The following DACH1 variants were observed in gnomAD, a reference collection of about 807,000 sequenced individuals.
DACH1 encodes dachshund homolog 1.
A neutral mutation model predicts 54.2 loss-of-function variants in DACH1; 12 were observed. The ratio of observed to expected loss-of-function variants is 0.22; its 90% confidence interval spans 0.14 to 0.36. The LOEUF is 0.36. DACH1 is among the 10% of genes least tolerant of loss of function. The pLI is 1.00. For missense variants in DACH1, 805 were observed against 929.8 expected, an observed-to-expected ratio of 0.87 and a Z score of 1.75; for synonymous variants, 386 against 366.2, an observed-to-expected ratio of 1.05 and a Z score of -0.62.
intron 3 of DACH1, among the ~76,000 whole-genome samples, chr13:71,621,865 T>C (rs1876265427): frequency 6.6e-6 from 1 of 152,032 alleles, no homozygotes; most frequent in South Asian, 2.1e-4. Flanking sequence ...GCACATACTG[T>C]TTTAATAACA....
chr13:71,801,964 C>T (rs1357992286), intron 1 of DACH1, among the ~76,000 whole-genome samples: 1 of 151,980 alleles, frequency 6.6e-6, no homozygotes. Context: ...TCAATTTGAG[C>T]GCACCCTGTC....
In DACH1 at chr13:71,440,328, T is replaced by C. The variant is rs1031853213; in HGVS notation, c.*327A>G. ...CAGAAGAGGAAAATGGTTCATTCCA[T>C]TAGAAAAAAACAAAGCTAGGTCTTA... On this transcript the variant is annotated 3_prime_UTR_variant, in exon 11 of 11. Transcript: ENST00000613252. 2 of 214,010 alleles carry C rather than the reference T, an allele frequency of 9.3e-6. No homozygotes were observed. The highest frequency in any genetic ancestry group is 4.7e-5 in the African/African-American group (2 of 42,528). The allele number at this position is 214,010 out of a possible 1,614,324, so 13.3% of individuals were successfully genotyped here.
At chr13:71,836,167 C>T (rs1044074924) in intron 1 of DACH1, among the ~76,000 whole-genome samples, 6 of 151,828 alleles carry the variant, frequency 4.0e-5, no homozygotes, top group Non-Finnish European at 7.4e-5. Context: ...CTTTCACCAT[C>T]TTGAGAAAAA....
intron 2 of DACH1, among the ~76,000 whole-genome samples, chr13:71,632,739 A>G (rs544576490): frequency 3.9e-4 from 59 of 152,210 alleles, no homozygotes; most frequent in Non-Finnish European, 6.8e-4. Context: ...AGACCTTCAG[A>G]TTGGGTCTTT....
At chr13:71,814,745 G>A (rs1223636668) in intron 1 of DACH1, among the ~76,000 whole-genome samples, 2 of 152,136 alleles carry the variant, frequency 1.3e-5, no homozygotes, top group African/African-American at 2.4e-5. Context: ...TGTTATTTGT[G>A]ACAATTATGC....
chr13:71,508,405 C>T (rs143443057), intron 6 of DACH1, among the ~76,000 whole-genome samples: 4 of 151,878 alleles, frequency 2.6e-5, no homozygotes, highest in African/African-American at 7.2e-5. Context: ...ATAACTTGTA[C>T]TTGTTAGTAT....
At chr13:71,550,347 G>T (rs1374316423) in intron 6 of DACH1, among the ~76,000 whole-genome samples, 1 of 152,176 alleles carries the variant, frequency 6.6e-6, no homozygotes, top group Non-Finnish European at 1.5e-5. Context: ...TACAAAGAAG[G>T]TGAGAAGACA....
chr13:71,741,046 T>A (rs1166735379), intron 1 of DACH1, among the ~76,000 whole-genome samples: 1 of 152,130 alleles, frequency 6.6e-6, no homozygotes, highest in African/African-American at 2.4e-5. Context: ...AAACAGTAAA[T>A]TATTAGTTTT....
chr13:71,822,786 A>G (rs1318198851), intron 1 of DACH1, among the ~76,000 whole-genome samples: 1 of 152,200 alleles, frequency 6.6e-6, no homozygotes, highest in African/African-American at 2.4e-5. Context: ...CTTATATGAT[A>G]CCAAAGGAAA....
intron 1 of DACH1, among the ~76,000 whole-genome samples, chr13:71,774,373 A>G (rs1885979973): frequency 6.6e-6 from 1 of 152,110 alleles, no homozygotes; most frequent in African/African-American, 2.4e-5. Flanking sequence ...ATGCAAATAG[A>G]CTGGACAACA....
intron 3 of DACH1, among the ~76,000 whole-genome samples, chr13:71,587,317 A>G (rs531382288): frequency 2.6e-5 from 4 of 152,088 alleles, no homozygotes; most frequent in Non-Finnish European, 5.9e-5. Flanking sequence ...TCTCAGTGGG[A>G]TCTTAAATTG....
intron 1 of DACH1, among the ~76,000 whole-genome samples, chr13:71,792,049 G>A (rs910920961): frequency 7.9e-5 from 12 of 152,086 alleles, no homozygotes; most frequent in South Asian, 4.2e-4. Flanking sequence ...CTCTTGTGTC[G>A]CTTCCTTTTA....
At chr13:71,858,182 A>G (rs965335700) in intron 1 of DACH1, among the ~76,000 whole-genome samples, 1 of 151,718 alleles carries the variant, frequency 6.6e-6, no homozygotes, top group Admixed American at 6.6e-5. Context: ...CTCCCTTTCA[A>G]GTAGTACACT....
At chr13:71,816,726 C>T (rs1212330814) in intron 1 of DACH1, among the ~76,000 whole-genome samples, 1 of 150,892 alleles carries the variant, frequency 6.6e-6, no homozygotes, top group Non-Finnish European at 1.5e-5. Flanking sequence ...GAATACTATG[C>T]AGCCATAAAA....
At chr13:71,744,179 G>T (rs1037210417) in intron 1 of DACH1, among the ~76,000 whole-genome samples, 2 of 152,152 alleles carry the variant, frequency 1.3e-5, no homozygotes, top group African/African-American at 4.8e-5. Flanking sequence ...ACCATTTGAT[G>T]ATTTGGAAAT....
rs893400174 is a variant in DACH1 at position 71,792,370 on chromosome 13, A to ACACC, written c.848+73551_848+73552insGGTG. ...CACACACACACACACACACACACAC[A>ACACC]CCCCTGGAATCCAGACAGCAGGAAA... On this transcript the variant is annotated intron_variant, in intron 1 of 10. Transcript: ENST00000613252. Among the ~76,000 whole-genome samples, 7 of 149,864 alleles carry ACACC rather than the reference A, an allele frequency of 4.7e-5. No individual in the cohort carries two copies. The South Asian group carries it at 8.6e-4, about 18-fold the overall frequency.
intron 6 of DACH1, among the ~76,000 whole-genome samples, chr13:71,512,016 A>T (rs528776194): frequency 1.3e-5 from 2 of 152,082 alleles, no homozygotes; most frequent in African/African-American, 4.8e-5. Flanking sequence ...CTATACCAGA[A>T]AGTGTGTCTT....
intron 7 of DACH1, among the ~76,000 whole-genome samples, chr13:71,485,752 T>A (rs561876218): frequency 6.6e-6 from 1 of 151,418 alleles, no homozygotes; most frequent in African/African-American, 2.4e-5. Flanking sequence ...CCAGCTAATT[T>A]TTACATTTTT....
chr13:71,504,986 T>G (rs1334693858), intron 6 of DACH1, among the ~76,000 whole-genome samples: 1 of 152,204 alleles, frequency 6.6e-6, no homozygotes, highest in African/African-American at 2.4e-5. Context: ...AATTAATCTC[T>G]TCGACTATTT....
Sources: gnomAD v4.1 joint callset for allele counts (sites outside exome capture counted in the v4.1 genomes callset) on GRCh38, gnomAD v4.1.1 for gene constraint, MANE v1.5 for transcripts, NCBI Gene and HGNC (gene_info 2026-07-23, HGNC 2026-07-21) for gene names.